The following COL19A1 variants were observed in gnomAD, a reference collection of about 807,000 sequenced individuals.
COL19A1 encodes collagen alpha-1(XIX) chain.
In COL19A1, 159 loss-of-function variants were observed where a neutral mutation model predicts 190.2. The observed-to-expected ratio is 0.84, with a 90% CI of 0.73 to 0.95. COL19A1 has a LOEUF of 0.95. Among genes scored for constraint, COL19A1 ranks in the 40% least tolerant of loss-of-function variants. The pLI, the probability that COL19A1 is intolerant of heterozygous loss-of-function variation, is 0.00. For synonymous variants in COL19A1, 509 were observed against 458.9 expected (o/e 1.11, Z -1.39); for missense variants, 1,418 against 1,431.9 (o/e 0.99, Z 0.16).
chr6:70,142,103 T>G (rs781191306), intron 22 of COL19A1, 27 bp downstream of exon 22: 4 of 1,599,024 alleles, frequency 2.5e-6, no homozygotes, highest in Non-Finnish European at 3.4e-6. Context: ...TAAGATTTCT[T>G]GGGAAATAAT....
Position 69,949,205 on chromosome 6 carries a change from G to A in COL19A1, c.937-10791G>A, listed in dbSNP as rs116195724. 2.0e-3 allele frequency among the ~76,000 whole-genome samples: 300 copies of A among 151,796 alleles called. 1 individual carries two copies. Among genetic ancestry groups the A allele is most frequent in the African/African-American group, 7.0e-3 (290 of 41,438 alleles). On this transcript the variant is annotated intron_variant, in intron 9 of 50. Transcript: ENST00000620364. ...AGATTACGTTTAACTCTTGGTTCCC[G>A]GATTCACACATCATCAGAGACCGTA...
chr6:70,068,476 G>T lies in COL19A1; in HGVS notation c.1224G>T (p.Arg408Ser), dbSNP rs142308894. 1.3e-6 allele frequency: 2 copies of T among 1,587,832 alleles called. No individual in the cohort carries two copies. Among genetic ancestry groups the T allele is most frequent in the South Asian group, 2.2e-5 (2 of 89,650 alleles). The change falls in exon 15 of 51, where the codon AGG (arginine) becomes AGT (serine). Residue 408 changes from arginine to serine, a missense_variant and splice_region_variant. By Grantham distance (110) the Arg-to-Ser change is moderately radical. Transcript: ENST00000620364. ...GTCCACCTGGAAAAGAGGGTCAGAG[G>T]GTAAGTAAAGCTGGAACAACTGGTG... The part of the protein sequence containing the change: ...PQGPPGKEGQ[R>S]GRRGKTGPPG...
chr6:69,955,684 G>C (rs372015841), intron 9 of COL19A1, among the ~76,000 whole-genome samples: 1 of 151,728 alleles, frequency 6.6e-6, no homozygotes. Flanking sequence ...TGACTGACCC[G>C]TGTGTGCCCA....
chr6:70,054,809 GA>G (rs1307861026), intron 14 of COL19A1, among the ~76,000 whole-genome samples: 2 of 151,916 alleles, frequency 1.3e-5, no homozygotes, highest in African/African-American at 2.4e-5. Flanking sequence ...TTTTAAAGGT[GA>G]AAACTAAACC....
At position 69,885,519 on chromosome 6, in the gene COL19A1, G is replaced by A. The variant is rs923362657; in HGVS notation, c.91+5861G>A. 2.6e-5 allele frequency among the ~76,000 whole-genome samples: 4 copies of A among 152,050 alleles called. 1 individual carries two copies. The highest frequency in any genetic ancestry group is 9.7e-5 in the African/African-American group (4 of 41,384). The stretch of plus-strand genomic sequence containing the variant: ...ATCTTATTTAATGAAAATCTCAAAT[G>A]CAATACAATTTTATTGTATTTTGTT... On this transcript the variant is annotated intron_variant, in intron 2 of 50. Coordinates refer to ENST00000620364, the MANE Select transcript of COL19A1 (RefSeq NM_001858.6).
At chr6:70,148,207 G>A (rs2150242978) in intron 27 of COL19A1, among the ~76,000 whole-genome samples, 1 of 151,990 alleles carries the variant, frequency 6.6e-6, no homozygotes, top group South Asian at 2.1e-4. Flanking sequence ...AACGCGGGGT[G>A]GGCTGAAAGG....
chr6:70,106,231 G>A (rs1449653465), intron 16 of COL19A1, among the ~76,000 whole-genome samples: 1 of 151,922 alleles, frequency 6.6e-6, no homozygotes, highest in Non-Finnish European at 1.5e-5. Context: ...TATTTGTTCT[G>A]AAGCCAAATT....
At chr6:70,008,689 G>A (rs1215965849) in intron 11 of COL19A1, among the ~76,000 whole-genome samples, 3 of 151,652 alleles carry the variant, frequency 2.0e-5, no homozygotes, top group South Asian at 4.1e-4. Context: ...ATTTTATGAG[G>A]CCAATATTAC....
chr6:70,181,335 C>T (rs1766162082), intron 44 of COL19A1, among the ~76,000 whole-genome samples: 1 of 152,084 alleles, frequency 6.6e-6, no homozygotes, highest in East Asian at 1.9e-4. Flanking sequence ...AATTTAGAGT[C>T]AGGAAGATCT....
At chr6:69,982,944 C>T (rs1476778567) in intron 11 of COL19A1, among the ~76,000 whole-genome samples, 1 of 149,784 alleles carries the variant, frequency 6.7e-6, no homozygotes, top group Non-Finnish European at 1.5e-5. Flanking sequence ...TGCACCCCAG[C>T]CTGAGCAACA....
At chr6:69,954,868 G>A (rs920502288) in intron 9 of COL19A1, among the ~76,000 whole-genome samples, 1 of 152,026 alleles carries the variant, frequency 6.6e-6, no homozygotes, top group Admixed American at 6.6e-5. Flanking sequence ...AATTGATATG[G>A]AATAGAACTA....
At chr6:70,038,378 T>C (rs907023121) in intron 14 of COL19A1, among the ~76,000 whole-genome samples, 6 of 152,236 alleles carry the variant, frequency 3.9e-5, no homozygotes, top group Non-Finnish European at 5.9e-5. Flanking sequence ...CAGCAAGAGT[T>C]GAGAACCATT....
intron 7 of COL19A1, among the ~76,000 whole-genome samples, chr6:69,936,103 G>T (rs1313288563): frequency 6.6e-6 from 1 of 152,042 alleles, no homozygotes; most frequent in African/African-American, 2.4e-5. Flanking sequence ...AAAACAATGT[G>T]TTTATCCTCC....
At chr6:69,958,543 T>C (rs1157065080) in intron 9 of COL19A1, among the ~76,000 whole-genome samples, 1 of 152,218 alleles carries the variant, frequency 6.6e-6, no homozygotes, top group African/African-American at 2.4e-5. Flanking sequence ...TAACAATTTG[T>C]TTAATGATAG....
chr6:70,163,148 T>C (rs1787912163), intron 35 of COL19A1, among the ~76,000 whole-genome samples, 195 bp from the exon 36 acceptor site: 1 of 152,152 alleles, frequency 6.6e-6, no homozygotes, highest in Admixed American at 6.5e-5. Flanking sequence ...CGACCACAAA[T>C]ACAAATTTTA....
chr6:69,896,596 G>A (rs1769790187), intron 2 of COL19A1, among the ~76,000 whole-genome samples: 1 of 144,708 alleles, frequency 6.9e-6, no homozygotes, highest in African/African-American at 2.6e-5. Context: ...TTTCTGAAGT[G>A]TACTAATTTC....
chr6:69,980,820 G>A (rs564824756), intron 11 of COL19A1, among the ~76,000 whole-genome samples: 6 of 152,324 alleles, frequency 3.9e-5, no homozygotes, highest in African/African-American at 1.4e-4. Context: ...ATGAGATTTG[G>A]CTTTACAGCC....
chr6:70,139,099 T>G (rs1786071328), intron 19 of COL19A1, among the ~76,000 whole-genome samples: 1 of 152,102 alleles, frequency 6.6e-6, no homozygotes, highest in South Asian at 2.1e-4. Flanking sequence ...AAATCGAGGA[T>G]TTTTAGAGCA....
intron 14 of COL19A1, among the ~76,000 whole-genome samples, chr6:70,037,880 T>C (rs1562108905): frequency 6.6e-6 from 1 of 152,196 alleles, no homozygotes; most frequent in Non-Finnish European, 1.5e-5. Context: ...ATTTCATACT[T>C]GTCTAAAAAT....
Sources: allele counts gnomAD v4.1 joint callset (sites outside exome capture counted in the v4.1 genomes callset), GRCh38; gene constraint gnomAD v4.1.1; transcripts MANE v1.5; gene names NCBI Gene and HGNC (gene_info 2026-07-23, HGNC 2026-07-21).